Variants in EPHA6 observed in about 807,000 individuals in gnomAD.
EPHA6 encodes the protein EPH receptor A6.
A neutral mutation model predicts 112.0 loss-of-function variants in EPHA6; 50 were observed. The ratio of observed to expected loss-of-function variants is 0.45; its 90% CI spans 0.36 to 0.56. The LOEUF (loss-of-function observed/expected upper bound fraction) is 0.56, where lower values mean the gene tolerates loss of function less well. Among genes scored for constraint, EPHA6 ranks in the 20% least tolerant of loss-of-function variants. The pLI is 0.00. For synonymous variants in EPHA6, 529 were observed against 490.7 expected (o/e 1.08, Z -1.03); for missense variants, 1,280 against 1,417.4 (o/e 0.90, Z 1.56).
At chr3:97,386,476 A>G (rs910219367) in intron 5 of EPHA6, among the ~76,000 whole-genome samples, 1 of 152,240 alleles carries the variant, frequency 6.6e-6, no homozygotes, top group African/African-American at 2.4e-5. Flanking sequence ...AAGTTCTAAA[A>G]TGATCTACTT....
At chr3:97,735,811 A>G in intron 15 of EPHA6, 114 bp from the exon 16 acceptor site, 1 of 730,928 alleles carries the variant, frequency 1.4e-6, no homozygotes, top group Non-Finnish European at 2.1e-6. Flanking sequence ...TGTACTCACA[A>G]GTAGTTTTCA....
chr3:97,621,812 T>C (rs1348690473), intron 13 of EPHA6, among the ~76,000 whole-genome samples: 1 of 151,910 alleles, frequency 6.6e-6, no homozygotes, highest in Non-Finnish European at 1.5e-5. Flanking sequence ...CTATAGGATT[T>C]AGCAAATAAG....
At chr3:96,936,517 G>A (rs2040590252) in intron 2 of EPHA6, among the ~76,000 whole-genome samples, 1 of 150,846 alleles carries the variant, frequency 6.6e-6, no homozygotes, top group Admixed American at 6.6e-5. Flanking sequence ...GATAATTTCT[G>A]TAATTCTTTT....
At chr3:97,461,343 T>G (rs2090881747) in intron 7 of EPHA6, among the ~76,000 whole-genome samples, 1 of 152,194 alleles carries the variant, frequency 6.6e-6, no homozygotes, top group Admixed American at 6.5e-5. Flanking sequence ...TGATCACATC[T>G]CAAATATGGG....
At chr3:97,010,605 A>G (rs1251365753) in intron 3 of EPHA6, among the ~76,000 whole-genome samples, 2 of 152,120 alleles carry the variant, frequency 1.3e-5, no homozygotes, top group Non-Finnish European at 2.9e-5. Flanking sequence ...TTTCCCTCAA[A>G]AGGTAACCAT....
intron 10 of EPHA6, among the ~76,000 whole-genome samples, chr3:97,506,239 C>A (rs58559185): frequency 0.11 from 16,933 of 152,014 alleles, 2,996 homozygotes; most frequent in African/African-American, 0.37. Context: ...TTGGTGTTTT[C>A]GTCATGAAGT....
At chr3:97,533,710 A>C (rs944787094) in intron 11 of EPHA6, among the ~76,000 whole-genome samples, 2 of 152,068 alleles carry the variant, frequency 1.3e-5, no homozygotes, top group African/African-American at 4.8e-5. Context: ...TCCTCTTGCC[A>C]CACTCTTTCC....
At chr3:97,637,834 T>G in intron 13 of EPHA6, 39 bp from the exon 14 acceptor site, 1 of 1,504,586 alleles carries the variant, frequency 6.6e-7, no homozygotes, top group Non-Finnish European at 9.3e-7. Context: ...CACACTGCAT[T>G]AAAATAAATC....
intron 6 of EPHA6, among the ~76,000 whole-genome samples, chr3:97,409,774 G>C (rs2087589501): frequency 6.6e-6 from 1 of 151,992 alleles, no homozygotes; most frequent in African/African-American, 2.4e-5. Flanking sequence ...GACTGTTAAA[G>C]TCTTTTTCTC....
At chr3:96,927,800 G>C (rs1437985571) in intron 2 of EPHA6, among the ~76,000 whole-genome samples, 1 of 152,006 alleles carries the variant, frequency 6.6e-6, no homozygotes, top group African/African-American at 2.4e-5. Context: ...GCCCCACTCC[G>C]GGTACCAATT....
intron 5 of EPHA6, among the ~76,000 whole-genome samples, chr3:97,269,980 G>A (rs1328873977): frequency 2.6e-5 from 4 of 152,030 alleles, no homozygotes; most frequent in African/African-American, 9.7e-5. Flanking sequence ...AATTATTTTT[G>A]TAATTTTCTT....
chr3:97,228,578 T>TTTTA (rs142902969), intron 4 of EPHA6, among the ~76,000 whole-genome samples: 2 of 149,508 alleles, frequency 1.3e-5, no homozygotes, highest in Non-Finnish European at 3.0e-5. Context: ...CATATAAATG[T>TTTTA]TATATATATA....
intron 6 of EPHA6, among the ~76,000 whole-genome samples, chr3:97,426,204 G>A (rs1158041659): frequency 6.6e-6 from 1 of 152,098 alleles, no homozygotes; most frequent in East Asian, 1.9e-4. Flanking sequence ...TAAACACATA[G>A]CCAAGACTGG....
At chr3:96,852,622 C>T (rs896198987) in intron 1 of EPHA6, among the ~76,000 whole-genome samples, 2 of 139,264 alleles carry the variant, frequency 1.4e-5, no homozygotes, top group African/African-American at 5.3e-5. Flanking sequence ...AAAAAAAAAA[C>T]TTCCTGGTGT....
chr3:97,644,482 A>C (rs1451376422), intron 14 of EPHA6, among the ~76,000 whole-genome samples: 2 of 152,060 alleles, frequency 1.3e-5, no homozygotes, highest in East Asian at 3.9e-4. Flanking sequence ...ACCCTTCAAA[A>C]AATTAATGAA....
intron 10 of EPHA6, among the ~76,000 whole-genome samples, chr3:97,496,289 A>G (rs1170266382): frequency 6.6e-6 from 1 of 152,120 alleles, no homozygotes; most frequent in East Asian, 1.9e-4. Context: ...AGGAAAAAAA[A>G]GTCTGTCTTT....
chr3:97,166,400 A>G (rs534985118), intron 3 of EPHA6, among the ~76,000 whole-genome samples: 2 of 151,930 alleles, frequency 1.3e-5, no homozygotes, highest in African/African-American at 4.8e-5. Flanking sequence ...CGTGTGTATA[A>G]TGGCTTCTAT....
chr3:97,744,246 A>C (rs2035623197), intron 16 of EPHA6, among the ~76,000 whole-genome samples: 1 of 151,986 alleles, frequency 6.6e-6, no homozygotes, highest in South Asian at 2.1e-4. Flanking sequence ...GTTTTGCTGT[A>C]AAGATATTTC....
Position 96,857,151 on chromosome 3 carries a change from C to T in EPHA6, c.386-9674C>T, listed in dbSNP as rs1440354127. 2.0e-5 allele frequency among the ~76,000 whole-genome samples: 3 copies of T among 152,148 alleles called. No homozygotes were observed. The East Asian group carries it at 5.8e-4, about 29-fold the overall frequency. The stretch of plus-strand genomic sequence containing the variant: ...ATTTGCTGTCTTATGCTTAATTATA[C>T]TTAGGGAACCCATGTTGAATGAAAT... On this transcript the variant is annotated intron_variant, in intron 1 of 17. Transcript: ENST00000389672.
Sources: gnomAD v4.1 joint callset for allele counts (sites outside exome capture counted in the v4.1 genomes callset) on GRCh38, gnomAD v4.1.1 for gene constraint, MANE v1.5 for transcripts, NCBI Gene and HGNC (gene_info 2026-07-23, HGNC 2026-07-21) for gene names.